Variants in FRMPD3 observed in about 807,000 individuals in gnomAD.
FRMPD3 encodes the protein FERM and PDZ domain containing 3.
In FRMPD3, 42 loss-of-function variants were observed where a neutral mutation model predicts 97.9. The observed-to-expected ratio is 0.43, with a 90% CI of 0.34 to 0.55. FRMPD3 has a LOEUF of 0.55. Among genes scored for constraint, FRMPD3 ranks in the 20% least tolerant of loss-of-function variants. FRMPD3 has a pLI of 0.03. For synonymous variants in FRMPD3, 577 were observed against 581.1 expected (o/e 0.99, Z 0.10); for missense variants, 1,303 against 1,457.7 (o/e 0.89, Z 1.73).
At chrX:107,500,840 A>G (rs896762256) in intron 1 of FRMPD3, among the ~76,000 whole-genome samples, 1 of 109,483 alleles carries the variant, frequency 9.1e-6, no homozygotes, top group African/African-American at 3.3e-5. Context: ...TGCCTACTTC[A>G]GAGACTAATT....
chrX:107,577,771 C>T (rs1436314246), intron 13 of FRMPD3, among the ~76,000 whole-genome samples: 1 of 111,611 alleles, frequency 9.0e-6, no homozygotes, highest in African/African-American at 3.3e-5. Context: ...CACCCACACA[C>T]ATCTTCTCAC....
chrX:107,592,206 G>A (rs1398703864), intron 13 of FRMPD3, among the ~76,000 whole-genome samples: 1 of 110,879 alleles, frequency 9.0e-6, no homozygotes, highest in African/African-American at 3.3e-5. Context: ...CCATTCCTGA[G>A]TTACTTCACT....
rs1369137107 is a variant in FRMPD3, at chrX:107,602,711, T to C, written c.4672T>C (p.Ser1558Pro). 3 of 1,207,142 alleles carry C rather than the reference T, an allele frequency of 2.5e-6. No homozygotes were observed. In the East Asian group the frequency reaches 8.9e-5, roughly 36 times the overall value. ...CTGCAGCAGCAGCAGCCCTGAGGCC[T>C]CCCGCACTCAGGAGATTGACCTCCG... is the stretch of plus-strand genomic sequence containing the variant. Reference protein sequence around the residue: ...ATCSSSSPEASRTQEIDLRVS... With the variant: ...ATCSSSSPEAPRTQEIDLRVS... The change falls in exon 15 of 15, where the codon TCC becomes CCC. Residue 1558 changes from serine to proline, a missense_variant. By Grantham distance (74) the Ser-to-Pro change is moderately conservative. Around this residue, in one of 3 missense-constraint regions of FRMPD3, gnomAD observed 764 missense variants for 820.2 expected, o/e 0.93. Transcript: ENST00000683843.
chrX:107,534,474 T>C (rs1006149612), intron 4 of FRMPD3, among the ~76,000 whole-genome samples: 2 of 110,963 alleles, frequency 1.8e-5, no homozygotes, highest in African/African-American at 6.6e-5. Flanking sequence ...AGGAGGAGGC[T>C]GCACCTGAGC....
intron 1 of FRMPD3, chrX:107,522,616 A>G (rs1922545865): frequency 2.4e-6 from 1 of 417,724 alleles, no homozygotes; most frequent in Non-Finnish European, 4.1e-6. Flanking sequence ...GCTGGGATGG[A>G]GGAGGAACAG....
intron 4 of FRMPD3, chrX:107,545,527 A>G (rs946945839): frequency 1.6e-5 from 6 of 368,909 alleles, no homozygotes; most frequent in Non-Finnish European, 2.8e-5. Flanking sequence ...CCCAAATTCA[A>G]TTCATGCCCA....
rs1922259347 is a variant in FRMPD3 at position 107,559,663 on chromosome X, T to A, written c.763-594T>A. On this transcript the variant is annotated intron_variant, in intron 8 of 14. Coordinates refer to ENST00000683843, the MANE Select transcript of FRMPD3 (RefSeq NM_001388459.1). Reference sequence around the variant, plus strand: ...TAGCTGGGGCTGTGACCCTCAGGGTTTGGGGGTTGTCATACCCTTGGCCAG... The same window carrying A: ...TAGCTGGGGCTGTGACCCTCAGGGTATGGGGGTTGTCATACCCTTGGCCAG... Among the ~76,000 whole-genome samples, 3 of 111,935 alleles carry A rather than the reference T, an allele frequency of 2.7e-5. No homozygotes were observed. The South Asian group carries it at 1.1e-3, about 43-fold the overall frequency.
At chrX:107,594,842 T>A (rs1924092833) in intron 13 of FRMPD3, among the ~76,000 whole-genome samples, 1 of 109,813 alleles carries the variant, frequency 9.1e-6, no homozygotes, top group Non-Finnish European at 1.9e-5. Context: ...GTTCGTGCCA[T>A]TGCACTCCAC....
rs138678310 is a variant in FRMPD3 at position 107,545,825 on chromosome X, T to C, written c.386T>C (p.Val129Ala). 69 of 1,204,148 alleles carry C rather than the reference T, an allele frequency of 5.7e-5. No individual in the cohort carries two copies. The East Asian group carries it at 9.5e-4, about 17-fold the overall frequency. ...VKVRFSEQVA[V>A]GETDAKMMKK... ...GTTCGATTTTCTGAGCAGGTGGCAG[T>C]TGGAGAAACAGATGCAGTAAGTGTA... is the stretch of plus-strand genomic sequence containing the variant. The change falls in exon 5 of 15, where the codon GTT becomes GCT. Residue 129 changes from valine (V) to alanine (A), a missense_variant. By Grantham distance (64) the Val-to-Ala change is moderately conservative. This residue lies in a region of FRMPD3 where 535 missense variants were observed against 618.6 expected (regional missense o/e 0.86). Transcript: ENST00000683843.
chrX:107,516,432 A>G (rs2147539061), intron 1 of FRMPD3, among the ~76,000 whole-genome samples: 1 of 111,455 alleles, frequency 9.0e-6, no homozygotes, highest in African/African-American at 3.3e-5. Flanking sequence ...CTAGTTCTAG[A>G]TCCCTGAGGA....
chrX:107,572,345 A>C (rs2147612232), intron 12 of FRMPD3, among the ~76,000 whole-genome samples: 1 of 112,119 alleles, frequency 8.9e-6, no homozygotes, highest in East Asian at 2.8e-4. Flanking sequence ...AGTGGAGTTA[A>C]TGGGAGATAT....
intron 13 of FRMPD3, among the ~76,000 whole-genome samples, chrX:107,583,479 A>G (rs1424149637): frequency 1.8e-5 from 2 of 112,067 alleles, no homozygotes; most frequent in East Asian, 5.6e-4. Context: ...TTCATTATCC[A>G]GTTTATCACT....
chrX:107,489,988 T>G (rs762851124), intron 1 of FRMPD3, among the ~76,000 whole-genome samples: 1 of 112,305 alleles, frequency 8.9e-6, no homozygotes, highest in East Asian at 2.8e-4. Context: ...ATGTAAGTCT[T>G]TAATCCATCT....
At chrX:107,587,455 G>A (rs1197470633) in intron 13 of FRMPD3, among the ~76,000 whole-genome samples, 13 of 111,458 alleles carry the variant, frequency 1.2e-4, no homozygotes, top group African/African-American at 4.2e-4. Flanking sequence ...TTGCATTTAA[G>A]GTTAGTATTG....
chrX:107,588,341 G>A lies in FRMPD3; in HGVS notation c.1442-8980G>A, dbSNP rs532223091. On this transcript the variant is annotated intron_variant, in intron 13 of 14. Transcript: ENST00000683843. ...ACAATCTCAGCTCACCACAACCTCC[G>A]CCTCTCAGGTTCAAGTGATTTTCCT... is the stretch of plus-strand genomic sequence containing the variant. Among the ~76,000 whole-genome samples the A allele has an allele frequency of 1.8e-4, 20 of 109,206 alleles. No homozygotes were observed. The South Asian group carries it at 6.8e-3, about 37-fold the overall frequency. 94.8% of individuals were successfully genotyped at this position (109,206 alleles called of 115,157 possible).
chrX:107,480,864 AAAGAAAGGAAGG>A (rs1921331253), intron 1 of FRMPD3, among the ~76,000 whole-genome samples: 2 of 69,685 alleles, frequency 2.9e-5, no homozygotes, highest in Non-Finnish European at 5.4e-5. Flanking sequence ...AGAAGGAAAG[AAAGAAAGGAAGG>A]AAGGAAGGAA....
intron 5 of FRMPD3, among the ~76,000 whole-genome samples, chrX:107,547,859 C>T (rs921707389): frequency 7.1e-5 from 8 of 111,952 alleles, no homozygotes; most frequent in Non-Finnish European, 1.1e-4. Context: ...AAGTAATTAT[C>T]TGAGTCCAAC....
At chrX:107,568,173 T>C (rs746492723) in intron 12 of FRMPD3, among the ~76,000 whole-genome samples, 1 of 110,989 alleles carries the variant, frequency 9.0e-6, no homozygotes, top group African/African-American at 3.3e-5. Flanking sequence ...TTGACAGTCA[T>C]TTAGTATGAA....
chrX:107,462,906 C>G (rs1194326426), intron 1 of FRMPD3, among the ~76,000 whole-genome samples: 1 of 111,665 alleles, frequency 9.0e-6, no homozygotes, highest in Non-Finnish European at 1.9e-5. Context: ...AGCCAATGTA[C>G]CATCTCCTCA....
Sources: allele counts gnomAD v4.1 joint callset (sites outside exome capture counted in the v4.1 genomes callset), GRCh38; gene constraint gnomAD v4.1.1; regional missense constraint gnomAD v4.1.1; transcripts MANE v1.5; gene names NCBI Gene and HGNC (gene_info 2026-07-23, HGNC 2026-07-21).